SETD6: variants seen among roughly 807,000 people sequenced by gnomAD.
The protein encoded by SETD6 is SET domain containing 6, protein lysine methyltransferase.
Under a neutral mutation model 52.7 loss-of-function variants are expected in SETD6, and 67 were observed. That is an observed-to-expected ratio of 1.27 (90% CI 1.04 to 1.56). The LOEUF is 1.56. Ranked by LOEUF, SETD6 falls within the 40% of genes most tolerant of loss-of-function variation. The pLI, the probability that SETD6 is intolerant of heterozygous loss-of-function variation, is 0.00. For missense variants in SETD6, 712 were observed against 607.5 expected (o/e 1.17, Z -1.81); for synonymous variants, 307 against 250.2 (o/e 1.23, Z -2.14).
intron 5 of SETD6, 23 bp from the exon 6 acceptor site, chr16:58,518,028 C>T (rs757589603): frequency 6.8e-6 from 11 of 1,613,942 alleles, no homozygotes; most frequent in Non-Finnish European, 8.5e-6. Context: ...AGGCATGGCC[C>T]CAGCTTCTCC....
In SETD6 at chr16:58,516,990, C is replaced by G. The variant is rs917730957; in HGVS notation, c.792+62C>G. 11 of 1,612,700 alleles carry G rather than the reference C, an allele frequency of 6.8e-6. No individual in the cohort carries two copies. In the African/African-American group the frequency reaches 1.5e-4, roughly 22 times the overall value. ...GATTCAAGCCATTGTGTCTTAGGCTCCATTCTCTTACTAGTGCTACAAAAT... is the reference window on the plus strand; with the variant it reads ...GATTCAAGCCATTGTGTCTTAGGCTGCATTCTCTTACTAGTGCTACAAAAT... On this transcript the variant is annotated intron_variant, in intron 5 of 7. Coordinates refer to ENST00000219315, the MANE Select transcript of SETD6 (RefSeq NM_001160305.4).
intron 1 of SETD6, 100 bp downstream of exon 1, chr16:58,515,664 TCCCGCGCCC>T: frequency 7.1e-7 from 1 of 1,407,794 alleles, no homozygotes; most frequent in Non-Finnish European, 9.2e-7. Context: ...CTCCCGCGGG[TCCCGCGCCC>T]CTCTCCGCTC....
Position 58,520,186 on chromosome 16 carries a change from T to G in SETD6, c.*1157T>G, listed in dbSNP as rs1186148614. On this transcript the variant is annotated 3_prime_UTR_variant, in exon 8 of 8. Coordinates refer to ENST00000219315, the MANE Select transcript of SETD6 (RefSeq NM_001160305.4). ...GGGGAGAACAATTAATTAATGAGAT[T>G]TGGTTCCCTTTCCTATATTCCCACT... is the stretch of plus-strand genomic sequence containing the variant. The G allele has an allele frequency of 1.3e-5, 2 of 152,094 alleles. No homozygotes were observed. The highest frequency in any genetic ancestry group is 4.8e-5 in the African/African-American group (2 of 41,386). The allele number at this position is 152,094 out of a possible 1,614,324, so 9.4% of individuals were successfully genotyped here.
Position 58,522,237 on chromosome 16 carries a change from C to CAAAAAAAAAAAAAA in SETD6, c.*3225_*3238dup, listed in dbSNP as rs56149974. Among the ~76,000 whole-genome samples the CAAAAAAAAAAAAAA allele has an allele frequency of 4.1e-5, 4 of 98,592 alleles. No individual in the cohort carries two copies. Among genetic ancestry groups the CAAAAAAAAAAAAAA allele is most frequent in the African/African-American group, 1.7e-4 (4 of 23,634 alleles). 64.7% of individuals were successfully genotyped at this position (98,592 alleles called of 152,430 possible). On this transcript the variant is annotated 3_prime_UTR_variant, in exon 8 of 8. Transcript: ENST00000219315. ...AGGAGGCGACAAAGCGAGACTGTCT[C>CAAAAAAAAAAAAAA]AAAAAAAAAAAAAAAAAAAAAAAAA...
chr16:58,518,479 AG>A lies in SETD6; in HGVS notation c.1055del (p.Gly352GlufsTer4). 6.3e-7 allele frequency: 1 copy of A among 1,590,960 alleles called. No homozygotes were observed. Among genetic ancestry groups the A allele is most frequent in the South Asian group, 1.2e-5 (1 of 86,208 alleles). On this transcript the variant is annotated frameshift_variant, in exon 7 of 8. Coordinates refer to ENST00000219315, the MANE Select transcript of SETD6 (RefSeq NM_001160305.4). LOFTEE classifies it high-confidence loss of function. ...FLCKLEMVGE[E>X]GAFVIGREEV... The stretch of plus-strand genomic sequence containing the variant: ...TGCAAACTGGAGATGGTAGGGGAAG[AG>A]GGAGCCTTTGTGATAGGGAGGGAGG...
In SETD6 at chr16:58,522,184, T is replaced by C. The variant is rs923673172; in HGVS notation, c.*3155T>C. Among the ~76,000 whole-genome samples, 3 of 124,410 alleles carry C rather than the reference T, an allele frequency of 2.4e-5. No individual in the cohort carries two copies. The highest frequency in any genetic ancestry group is 9.5e-5 in the African/African-American group (3 of 31,448). The allele number at this position is 124,410 out of a possible 152,430, so 81.6% of individuals were successfully genotyped here. On this transcript the variant is annotated 3_prime_UTR_variant, in exon 8 of 8. Transcript: ENST00000219315. ...AATACAAAAAATTAGCCGGACGTGG[T>C]GGCAGGTGCCTGTAATCCCAGCTAC...
At position 58,518,048 on chromosome 16, in the gene SETD6, C is replaced by T. The variant is rs1567376718; in HGVS notation, c.793-3C>T. 1 of 1,614,112 alleles carries T rather than the reference C, an allele frequency of 6.2e-7. No individual in the cohort carries two copies. The highest frequency in any genetic ancestry group is 8.5e-7 in the Non-Finnish European group (1 of 1,180,028). The stretch of plus-strand genomic sequence containing the variant: ...TGGCCCCAGCTTCTCCCTTTCACCT[C>T]AGAATTGTCTTCGGATGGTAGCCAC... On this transcript the variant is annotated splice_region_variant and splice_polypyrimidine_tract_variant and intron_variant, in intron 5 of 7. Coordinates refer to ENST00000219315, the MANE Select transcript of SETD6 (RefSeq NM_001160305.4).
intron 5 of SETD6, 70 bp downstream of exon 5, chr16:58,516,998 T>C: frequency 6.2e-7 from 1 of 1,609,650 alleles, no homozygotes; most frequent in Admixed American, 1.7e-5. Flanking sequence ...CTCCATTCTC[T>C]TACTAGTGCT....
rs993793772 is a variant in SETD6 at position 58,522,025 on chromosome 16, T to C, written c.*2996T>C. On this transcript the variant is annotated 3_prime_UTR_variant, in exon 8 of 8. Coordinates refer to ENST00000219315, the MANE Select transcript of SETD6 (RefSeq NM_001160305.4). ...GGAAACAGAAAATAAGAATTAAGTA[T>C]TCTAACACTGCAGGCTGGGCACAGT... Among the ~76,000 whole-genome samples the C allele has an allele frequency of 3.3e-5, 5 of 150,056 alleles. No homozygotes were observed. The highest frequency in any genetic ancestry group is 9.8e-5 in the African/African-American group (4 of 40,786).
At chr16:58,517,559 C>G (rs1014710881) in intron 5 of SETD6, 2 of 181,468 alleles carry the variant, frequency 1.1e-5, no homozygotes, top group African/African-American at 4.8e-5. Flanking sequence ...CTGCAACTGC[C>G]GCCTCCTGGG....
Position 58,521,762 on chromosome 16 carries a change from G to A in SETD6, c.*2733G>A, listed in dbSNP as rs1234381210. On this transcript the variant is annotated 3_prime_UTR_variant, in exon 8 of 8. Transcript: ENST00000219315. ...AGGTCAGGAGTTCGAGACCAGCCTG[G>A]CCAACATGGTGAAACCCCATCTCTG... Among the ~76,000 whole-genome samples the A allele has an allele frequency of 6.6e-6, 1 of 152,160 alleles. No individual in the cohort carries two copies. Among genetic ancestry groups the A allele is most frequent in the Admixed American group, 6.5e-5 (1 of 15,280 alleles).
chr16:58,516,055 C>G lies in SETD6; in HGVS notation c.292C>G (p.Leu98Val), dbSNP rs1354430332. The change falls in exon 2 of 8, where the codon CTG (leucine) becomes GTG (valine). Residue 98 changes from leucine to valine, a missense_variant. Leu to Val is a conservative substitution (Grantham distance 32, BLOSUM62 1). Coordinates refer to ENST00000219315, the MANE Select transcript of SETD6 (RefSeq NM_001160305.4). Reference sequence around the variant, plus strand: ...GTTCGTGGTGCCGCGGGCCGCGCTCCTGTCGCAGCACACCTGCTCCATCGG... The same window carrying G: ...GTTCGTGGTGCCGCGGGCCGCGCTCGTGTCGCAGCACACCTGCTCCATCGG... ...LLFVVPRAAL[L>V]SQHTCSIGGL... 3 of 1,506,920 alleles carry G rather than the reference C, an allele frequency of 2.0e-6. No homozygotes were observed. The highest frequency in any genetic ancestry group is 2.6e-6 in the Non-Finnish European group (3 of 1,139,116). 93.3% of individuals were successfully genotyped at this position (1,506,920 alleles called of 1,614,324 possible). A position where few individuals can be genotyped will look rare whatever the true frequency, so the allele number is the denominator to read the frequency against.
In SETD6 at chr16:58,519,568, A is replaced by G. The variant is rs992211147; in HGVS notation, c.*539A>G. On this transcript the variant is annotated 3_prime_UTR_variant, in exon 8 of 8. Transcript: ENST00000219315. ...TTGAACTGTTTTGTCCTCTCTGGCCATAAAACTTGACAGTCATGAAAGGTA... is the reference window on the plus strand; with the variant it reads ...TTGAACTGTTTTGTCCTCTCTGGCCGTAAAACTTGACAGTCATGAAAGGTA... 6.6e-6 allele frequency: 1 copy of G among 152,422 alleles called. No homozygotes were observed. Among genetic ancestry groups the G allele is most frequent in the Non-Finnish European group, 1.5e-5 (1 of 68,258 alleles). 9.4% of individuals were successfully genotyped at this position (152,422 alleles called of 1,614,324 possible).
In SETD6 at chr16:58,519,116, A is replaced by ATCTT; in HGVS notation, c.*93_*96dup. The ATCTT allele has an allele frequency of 2.2e-6, 3 of 1,362,688 alleles. No individual in the cohort carries two copies. Among genetic ancestry groups the ATCTT allele is most frequent in the South Asian group, 3.0e-5 (2 of 66,610 alleles). 84.4% of individuals were successfully genotyped at this position (1,362,688 alleles called of 1,614,324 possible). ...ATGTTTGAAAAAGAGGAAAATTTGGATCTTTCTTTTGCTTACTAAACACCA... is the reference window on the plus strand; with the variant it reads ...ATGTTTGAAAAAGAGGAAAATTTGGATCTTTCTTTCTTTTGCTTACTAAACACCA... On this transcript the variant is annotated 3_prime_UTR_variant, in exon 8 of 8. Transcript: ENST00000219315.
At chr16:58,516,148 G>GTGCGGGGCGGGGCGGGGCGGGGCGGTT in intron 2 of SETD6, 51 bp downstream of exon 2, 1 of 1,183,316 alleles carries the variant, frequency 8.5e-7, no homozygotes, top group Non-Finnish European at 1.1e-6. Flanking sequence ...GCGGGGCGGG[G>GTGCGGGGCGGGGCGGGGCGGGGCGGTT]CGGGCCCGGC....
At position 58,516,946 on chromosome 16, in the gene SETD6, T is replaced by G; in HGVS notation, c.792+18T>G. On this transcript the variant is annotated intron_variant, in intron 5 of 7. Coordinates refer to ENST00000219315, the MANE Select transcript of SETD6 (RefSeq NM_001160305.4). ...ACTCTGCGGTGAGTGGAGTTTCTCT[T>G]GGTGCACTGATTGAGCATGATTCAA... is the stretch of plus-strand genomic sequence containing the variant. The G allele has an allele frequency of 1.9e-6, 3 of 1,614,124 alleles. No homozygotes were observed. Among genetic ancestry groups the G allele is most frequent in the Non-Finnish European group, 2.5e-6 (3 of 1,179,966 alleles).
chr16:58,519,689 T>A lies in SETD6; in HGVS notation c.*660T>A, dbSNP rs2039292858. 1 of 151,684 alleles carries A rather than the reference T, an allele frequency of 6.6e-6. No homozygotes were observed. The allele number at this position is 151,684 out of a possible 1,614,324, so 9.4% of individuals were successfully genotyped here. On this transcript the variant is annotated 3_prime_UTR_variant, in exon 8 of 8. Transcript: ENST00000219315. ...ACCTGGGGGAAAAGGATATTAAAAC[T>A]GGGTATTTTAAACTCAGCTTAACCA...
Position 58,515,992 on chromosome 16 carries a change from A to G in SETD6, c.229A>G (p.Met77Val). Residue 77 changes from methionine to valine, a missense_variant, in exon 2 of 8, where the codon ATG becomes GTG. Met to Val is a conservative substitution (Grantham distance 21). Transcript: ENST00000219315. ...GCAGGGCACGGTGGCCGGCTACGGC[A>G]TGGTGGCCCGGGAGAGCGTGCAGGC... is the stretch of plus-strand genomic sequence containing the variant. The part of the protein sequence containing the change: ...SRQGTVAGYG[M>V]VARESVQAGE... 1.3e-6 allele frequency: 2 copies of G among 1,542,294 alleles called. No individual in the cohort carries two copies. The highest frequency in any genetic ancestry group is 1.7e-6 in the Non-Finnish European group (2 of 1,154,840).
chr16:58,516,368 G>A (rs1397385645), intron 3 of SETD6, 25 bp downstream of exon 3: 1 of 1,606,378 alleles, frequency 6.2e-7, no homozygotes, highest in Non-Finnish European at 8.5e-7. Context: ...AGGGGTTGGG[G>A]AGCGCCTGCA....
Sources: gnomAD v4.1 joint callset for allele counts (sites outside exome capture counted in the v4.1 genomes callset) on GRCh38, gnomAD v4.1.1 for gene constraint, MANE v1.5 for transcripts, NCBI Gene and HGNC (gene_info 2026-07-23, HGNC 2026-07-21) for gene names.